GALNT13: variants seen among roughly 807,000 people sequenced by gnomAD.
GALNT13 encodes the protein polypeptide N-acetylgalactosaminyltransferase 13, also known as UDP-GalNAc:polypeptide N-acetylgalactosaminyltransferase 13.
Under a neutral mutation model 64.2 loss-of-function variants are expected in GALNT13, and 28 were observed. The ratio of observed to expected loss-of-function variants is 0.44; its 90% confidence interval spans 0.32 to 0.60. The LOEUF is 0.60. Among genes scored for constraint, GALNT13 ranks in the 20% least tolerant of loss-of-function variants. The pLI, the probability that GALNT13 is intolerant of heterozygous loss-of-function variation, is 0.05. For missense variants in GALNT13, 577 were observed against 669.8 expected (o/e 0.86, Z 1.53); for synonymous variants, 214 against 224.6 (o/e 0.95, Z 0.42).
At chr2:154,310,780 C>G (rs901896776) in intron 9 of GALNT13, among the ~76,000 whole-genome samples, 1 of 152,072 alleles carries the variant, frequency 6.6e-6, no homozygotes, top group African/African-American at 2.4e-5. Flanking sequence ...TACTTAATCT[C>G]TCTTTACCTA....
At chr2:153,989,545 A>C (rs1013898206) in intron 3 of GALNT13, among the ~76,000 whole-genome samples, 2 of 152,042 alleles carry the variant, frequency 1.3e-5, no homozygotes, top group African/African-American at 4.8e-5. Context: ...AAGCTAACTT[A>C]AAGGCAGAAT....
chr2:154,170,094 A>G (rs986285301), intron 4 of GALNT13, among the ~76,000 whole-genome samples: 2 of 152,162 alleles, frequency 1.3e-5, no homozygotes, highest in Non-Finnish European at 2.9e-5. Context: ...TCATCATTGA[A>G]AGTGTATACT....
intron 9 of GALNT13, among the ~76,000 whole-genome samples, chr2:154,341,636 G>C (rs1321582114): frequency 6.6e-6 from 1 of 152,022 alleles, no homozygotes; most frequent in Non-Finnish European, 1.5e-5. Flanking sequence ...GAGAGGAAAA[G>C]AGGCACATAG....
chr2:153,516,893 C>G, the GALNT13 span, among the ~76,000 whole-genome samples: 1 of 151,990 alleles, frequency 6.6e-6, no homozygotes, highest in Non-Finnish European at 1.5e-5. Flanking sequence ...CAAGTGCTCT[C>G]TTATCCTCCC....
chr2:153,510,871 A>G, the GALNT13 span, among the ~76,000 whole-genome samples: 1 of 152,022 alleles, frequency 6.6e-6, no homozygotes, highest in Admixed American at 6.5e-5. Flanking sequence ...ATGTTTCTAG[A>G]AGGAAAGAGT....
intron 3 of GALNT13, among the ~76,000 whole-genome samples, chr2:153,990,630 T>C (rs1038073528): frequency 1.3e-5 from 2 of 152,164 alleles, no homozygotes; most frequent in South Asian, 2.1e-4. Flanking sequence ...ATTCATTACA[T>C]TGAGTGGGGC....
the GALNT13 span, among the ~76,000 whole-genome samples, chr2:153,534,332 C>T: frequency 6.6e-6 from 1 of 151,856 alleles, no homozygotes; most frequent in Non-Finnish European, 1.5e-5. Flanking sequence ...ATTTTATAAT[C>T]CTATGATTAG....
the GALNT13 span, among the ~76,000 whole-genome samples, chr2:153,840,722 T>TA: frequency 6.6e-6 from 1 of 152,028 alleles, no homozygotes; most frequent in Admixed American, 6.6e-5. Flanking sequence ...GAAAATACAA[T>TA]AAAAAATAGA....
chr2:153,377,651 A>G, the GALNT13 span, among the ~76,000 whole-genome samples: 1 of 152,180 alleles, frequency 6.6e-6, no homozygotes, highest in Admixed American at 6.6e-5. Flanking sequence ...AGATAACCAG[A>G]TGCCAGCATC....
chr2:153,689,063 C>CGT, the GALNT13 span, among the ~76,000 whole-genome samples: 71 of 66,396 alleles, frequency 1.1e-3, no homozygotes, highest in Middle Eastern at 0.031. Context: ...TGCTAAACCG[C>CGT]GTGTGTATGT....
chr2:153,723,330 A>G, the GALNT13 span, among the ~76,000 whole-genome samples: 1 of 150,724 alleles, frequency 6.6e-6, no homozygotes, highest in Non-Finnish European at 1.5e-5. Context: ...ATCTATGACA[A>G]ACCCACAGCC....
chr2:154,131,320 A>G (rs1682603147), intron 3 of GALNT13, among the ~76,000 whole-genome samples: 1 of 152,170 alleles, frequency 6.6e-6, no homozygotes, highest in South Asian at 2.1e-4. Flanking sequence ...ATTGGCAAAC[A>G]TTTTTATAGT....
intron 4 of GALNT13, among the ~76,000 whole-genome samples, chr2:154,162,961 A>T (rs1343549404): frequency 2.0e-5 from 3 of 147,732 alleles, no homozygotes; most frequent in African/African-American, 5.0e-5. Context: ...CTTTTTTTTT[A>T]TTTTATTTTT....
chr2:154,244,001 T>C (rs1035478739), intron 6 of GALNT13, among the ~76,000 whole-genome samples: 2 of 152,156 alleles, frequency 1.3e-5, no homozygotes, highest in Admixed American at 1.3e-4. Context: ...ATAACATTTT[T>C]CCACTCTGTG....
At chr2:153,334,799 T>C in the GALNT13 span, among the ~76,000 whole-genome samples, 1 of 152,216 alleles carries the variant, frequency 6.6e-6, no homozygotes, top group East Asian at 1.9e-4. Context: ...AATACAGTGT[T>C]CATTTCTCAT....
chr2:154,266,096 C>A (rs778978807), intron 8 of GALNT13, among the ~76,000 whole-genome samples: 1 of 152,076 alleles, frequency 6.6e-6, no homozygotes, highest in Non-Finnish European at 1.5e-5. Flanking sequence ...AACAAACAAA[C>A]AAAAGCCCTG....
chr2:153,909,862 C>T (rs1227179873), intron 2 of GALNT13, among the ~76,000 whole-genome samples: 1 of 151,788 alleles, frequency 6.6e-6, no homozygotes. Context: ...TTAATCTATC[C>T]TCATCAAGAA....
intron 4 of GALNT13, among the ~76,000 whole-genome samples, chr2:154,176,489 C>T (rs10187102): frequency 0.31 from 47,002 of 151,446 alleles, 7,897 homozygotes; most frequent in African/African-American, 0.43. Context: ...CCTGACCTCA[C>T]GATCTGCCTG....
chr2:153,309,088 T>C, the GALNT13 span, among the ~76,000 whole-genome samples: 2 of 152,156 alleles, frequency 1.3e-5, no homozygotes, highest in Admixed American at 1.3e-4. Flanking sequence ...GAAAATGATA[T>C]CATCTCTAAA....
Sources: gnomAD v4.1 joint callset for allele counts (sites outside exome capture counted in the v4.1 genomes callset) on GRCh38, gnomAD v4.1.1 for gene constraint, MANE v1.5 for transcripts, NCBI Gene and HGNC (gene_info 2026-07-23, HGNC 2026-07-21) for gene names.